Variants in MCM5 observed in about 807,000 individuals in gnomAD.
MCM5 encodes DNA replication licensing factor MCM5.
MCM5 carries 46 observed loss-of-function variants against 79.9 expected under a neutral mutation model. The ratio of observed to expected loss-of-function variants is 0.58; its 90% CI spans 0.45 to 0.74. The LOEUF is 0.74. MCM5 is among the 30% of genes least tolerant of loss of function. The pLI, the probability that MCM5 is intolerant of heterozygous loss-of-function variation, is 0.00. For synonymous variants in MCM5, 404 were observed against 390.5 expected (o/e 1.03, Z -0.41); for missense variants, 883 against 1,017.0 (o/e 0.87, Z 1.79).
chr22:35,420,794 C>T (rs1932673716), intron 14 of MCM5, among the ~76,000 whole-genome samples: 1 of 152,146 alleles, frequency 6.6e-6, no homozygotes, highest in African/African-American at 2.4e-5. Context: ...CAAAAGATGT[C>T]TGGGATGTGT....
the MCM5 span, among the ~76,000 whole-genome samples, chr22:35,438,602 C>CCCACCCACATATCCATCCATCCAT: frequency 1.8e-5 from 1 of 57,142 alleles, no homozygotes. Flanking sequence ...CATGCATCCA[C>CCCACCCACATATCCATCCATCCAT]CCACCCACAT....
intron 2 of MCM5, chr22:35,401,835 T>G (rs1319676523): frequency 1.0e-5 from 4 of 389,798 alleles, no homozygotes; most frequent in Middle Eastern, 4.6e-4. Flanking sequence ...TTAGGGAAGT[T>G]TTCCGGGGGG....
chr22:35,402,487 C>T (rs1019794986), intron 2 of MCM5, among the ~76,000 whole-genome samples: 2 of 151,674 alleles, frequency 1.3e-5, no homozygotes, highest in South Asian at 2.1e-4. Flanking sequence ...CCACCACACC[C>T]GGCTAGGTTT....
In MCM5 at chr22:35,415,999, C is replaced by T. The variant is rs1932529151; in HGVS notation, c.1347+27C>T. On this transcript the variant is annotated intron_variant, in intron 10 of 16. Coordinates refer to ENST00000216122, the MANE Select transcript of MCM5 (RefSeq NM_006739.4). ...TGAGTCTGATGAGGTGGGTAGTAGCCAAAAGGTGGGTGGCACCAGGGTATG... is the reference window on the plus strand; with the variant it reads ...TGAGTCTGATGAGGTGGGTAGTAGCTAAAAGGTGGGTGGCACCAGGGTATG... 8 of 1,600,354 alleles carry T rather than the reference C, an allele frequency of 5.0e-6. No individual in the cohort carries two copies. The South Asian group carries it at 8.8e-5, about 18-fold the overall frequency.
the MCM5 span, among the ~76,000 whole-genome samples, chr22:35,448,026 C>T: frequency 2.0e-5 from 3 of 152,150 alleles, no homozygotes; most frequent in Non-Finnish European, 4.4e-5. Context: ...ACGCCCTTTC[C>T]CTGGTTTCTC....
At chr22:35,447,116 C>T in the MCM5 span, among the ~76,000 whole-genome samples, 120,116 of 151,814 alleles carry the variant, frequency 0.79, 48,122 homozygotes, top group African/African-American at 0.88. Context: ...TGGCCGAGGG[C>T]GTGCAGCATC....
the MCM5 span, among the ~76,000 whole-genome samples, chr22:35,447,820 C>G: frequency 1.3e-5 from 2 of 152,174 alleles, no homozygotes; most frequent in South Asian, 2.1e-4. Flanking sequence ...TTGGGGCAGG[C>G]AAGGAGCGGG....
chr22:35,434,491 C>T, the MCM5 span, among the ~76,000 whole-genome samples: 121 of 152,280 alleles, frequency 7.9e-4, no homozygotes, highest in African/African-American at 2.6e-3. Flanking sequence ...CAGTCATTAT[C>T]TCCTGGACCA....
At chr22:35,410,979 C>A in intron 7 of MCM5, 69 bp downstream of exon 7, 1 of 1,428,388 alleles carries the variant, frequency 7.0e-7, no homozygotes, top group South Asian at 1.4e-5. Context: ...TGGTAACAGG[C>A]AGCTCGTTAC....
At chr22:35,404,480 C>T (rs1369962791) in intron 4 of MCM5, among the ~76,000 whole-genome samples, 1 of 152,102 alleles carries the variant, frequency 6.6e-6, no homozygotes, top group Non-Finnish European at 1.5e-5. Flanking sequence ...ACAACATACC[C>T]CTTCCCCCCC....
At position 35,412,519 on chromosome 22, in the gene MCM5, T is replaced by G. The variant is rs1403171752; in HGVS notation, c.929T>G (p.Phe310Cys). ...TGCTTTGCCTACCAAGGCCGCAGCT[T>G]TGCTGGGGCCGTGAGCCCCCAGGAG... ...QVDTDGSGRS[F>C]AGAVSPQEEE... is the part of the protein sequence containing the mutation. Residue 310 changes from phenylalanine to cysteine, a missense_variant, in exon 8 of 17, where the codon TTT (phenylalanine) becomes TGT (cysteine). This residue lies in a region of MCM5 where 455 missense variants were observed against 517.5 expected (regional missense o/e 0.88). Coordinates refer to ENST00000216122, the MANE Select transcript of MCM5 (RefSeq NM_006739.4). 6.4e-7 allele frequency: 1 copy of G among 1,557,956 alleles called. No homozygotes were observed. The highest frequency in any genetic ancestry group is 8.7e-7 in the Non-Finnish European group (1 of 1,151,208).
the MCM5 span, among the ~76,000 whole-genome samples, chr22:35,437,815 G>T: frequency 2.0e-5 from 3 of 152,186 alleles, no homozygotes; most frequent in Non-Finnish European, 4.4e-5. Context: ...TGGGTCTGAG[G>T]CCTGGGCATC....
rs1931994080 is a variant in MCM5, at chr22:35,400,207, A to C, written c.-10A>C. On this transcript the variant is annotated splice_region_variant and 5_prime_UTR_variant, in exon 1 of 17. Coordinates refer to ENST00000216122, the MANE Select transcript of MCM5 (RefSeq NM_006739.4). ...TGGTTTGTGAAGTGCGGAAAACCAG[A>C]GGTGAGGCTAGTGGGAGTGGGACTG... The C allele has an allele frequency of 1.8e-6, 1 of 550,252 alleles. No homozygotes were observed. The highest frequency in any genetic ancestry group is 1.9e-5 in the African/African-American group (1 of 52,288). 34.1% of individuals were successfully genotyped at this position (550,252 alleles called of 1,614,324 possible). A position where few individuals can be genotyped will look rare whatever the true frequency, so the allele number is the denominator to read the frequency against.
At chr22:35,454,940 C>T in the MCM5 span, among the ~76,000 whole-genome samples, 250 of 152,070 alleles carry the variant, frequency 1.6e-3, 1 homozygote, top group South Asian at 0.027. Flanking sequence ...TGACAGATGT[C>T]CCCAGAGACA....
At chr22:35,407,902 AGT>A (rs1317329389) in intron 5 of MCM5, among the ~76,000 whole-genome samples, 1 of 152,188 alleles carries the variant, frequency 6.6e-6, no homozygotes, top group Non-Finnish European at 1.5e-5. Context: ...CACCTGGAAT[AGT>A]GTCAGACACA....
At chr22:35,421,499 G>A (rs1359710496) in intron 15 of MCM5, 39 bp downstream of exon 15, 21 of 1,613,248 alleles carry the variant, frequency 1.3e-5, no homozygotes, top group Non-Finnish European at 1.7e-5. Flanking sequence ...ATTGATCTGG[G>A]TTCCCTGGCT....
the MCM5 span, among the ~76,000 whole-genome samples, chr22:35,448,240 G>A: frequency 6.6e-6 from 1 of 152,202 alleles, no homozygotes; most frequent in Non-Finnish European, 1.5e-5. Flanking sequence ...CATGAGGATC[G>A]AACGAAGAGA....
downstream of MCM5, among the ~76,000 whole-genome samples, chr22:35,425,982 G>C (rs958477870): frequency 1.3e-5 from 2 of 152,146 alleles, no homozygotes; most frequent in African/African-American, 4.8e-5. Context: ...TTTTCTGCCA[G>C]ATTCTCTCTT....
chr22:35,428,412 C>T (rs1436951324), downstream of MCM5, among the ~76,000 whole-genome samples: 3 of 151,524 alleles, frequency 2.0e-5, no homozygotes, highest in African/African-American at 4.9e-5. Flanking sequence ...CCTCCTGCCT[C>T]GGCCTCCCAA....
Sources: allele counts gnomAD v4.1 joint callset (sites outside exome capture counted in the v4.1 genomes callset), GRCh38; gene constraint gnomAD v4.1.1; regional missense constraint gnomAD v4.1.1; transcripts MANE v1.5; gene names NCBI Gene and HGNC (gene_info 2026-07-23, HGNC 2026-07-21).